DENND4C: variants seen among roughly 807,000 people sequenced by gnomAD.
DENND4C encodes the protein DENN domain-containing protein 4C.
In DENND4C, 108 loss-of-function variants were observed where a neutral mutation model predicts 203.0. The observed-to-expected ratio is 0.53, with a 90% CI of 0.46 to 0.62. The LOEUF (loss-of-function observed/expected upper bound fraction) is 0.62, where lower values mean the gene tolerates loss of function less well. DENND4C is among the 20% of genes least tolerant of loss of function. DENND4C has a pLI of 0.00. For missense variants in DENND4C, 2,481 were observed against 2,301.2 expected (o/e 1.08, Z -1.60); for synonymous variants, 871 against 792.4 (o/e 1.10, Z -1.67).
chr9:19,312,326 T>C (rs4977297), intron 10 of DENND4C, among the ~76,000 whole-genome samples: 87,154 of 151,914 alleles, frequency 0.57, 24,935 homozygotes, highest in South Asian at 0.63. Context: ...TGGTTTCAAA[T>C]TGCTGGCCTC....
At chr9:19,281,327 C>T (rs1169938674) in intron 2 of DENND4C, among the ~76,000 whole-genome samples, 1 of 152,136 alleles carries the variant, frequency 6.6e-6, no homozygotes, top group Non-Finnish European at 1.5e-5. Context: ...TAATATTTCT[C>T]TCCAGATCAA....
intron 6 of DENND4C, among the ~76,000 whole-genome samples, chr9:19,297,748 G>C (rs558826680): frequency 6.6e-6 from 1 of 152,142 alleles, no homozygotes; most frequent in South Asian, 2.1e-4. Context: ...TCCCTGTACT[G>C]GCACAGATAA....
intron 4 of DENND4C, among the ~76,000 whole-genome samples, chr9:19,289,637 T>C (rs1055461537): frequency 2.0e-5 from 3 of 152,102 alleles, no homozygotes; most frequent in Non-Finnish European, 4.4e-5. Flanking sequence ...GAGACCAGCC[T>C]GGCCAACATG....
In DENND4C at chr9:19,298,039, CA is replaced by C; in HGVS notation, c.1041-14del. On this transcript the variant is annotated splice_polypyrimidine_tract_variant and intron_variant, in intron 6 of 32. Coordinates refer to ENST00000434457, the MANE Select transcript of DENND4C (RefSeq NM_001330640.2). ...AGAAAAGTAATTATTATATTTATTT[CA>C]AATTTTTTTTTCTAGGCACATTTCA... 6.3e-7 allele frequency: 1 copy of C among 1,586,628 alleles called. No individual in the cohort carries two copies. Among genetic ancestry groups the C allele is most frequent in the Non-Finnish European group, 8.6e-7 (1 of 1,161,992 alleles).
In DENND4C at chr9:19,357,378, C is replaced by A. The variant is rs540511582; in HGVS notation, c.4964+224C>A. ...TTACAGTTGTCTTTTACAAAATGAA[C>A]TTCTCAACAGTAAAATATTTCCCTT... On this transcript the variant is annotated intron_variant, in intron 27 of 32. Transcript: ENST00000434457. 379 of 478,254 alleles carry A rather than the reference C, an allele frequency of 7.9e-4. 2 individuals are homozygous for A. The highest frequency in any genetic ancestry group is 7.0e-3 in the African/African-American group (332 of 47,296). 29.6% of individuals were successfully genotyped at this position (478,254 alleles called of 1,614,324 possible).
intron 1 of DENND4C, among the ~76,000 whole-genome samples, chr9:19,239,685 T>C (rs548968249): frequency 6.6e-6 from 1 of 152,256 alleles, no homozygotes; most frequent in African/African-American, 2.4e-5. Flanking sequence ...TGGGGTTTCA[T>C]CGTGTTGGCC....
At chr9:19,344,229 A>C (rs188196737) in intron 22 of DENND4C, among the ~76,000 whole-genome samples, 4 of 152,350 alleles carry the variant, frequency 2.6e-5, no homozygotes, top group African/African-American at 9.6e-5. Context: ...AGTAAAAAGC[A>C]ATGGATAAAA....
chr9:19,301,995 T>A (rs556363248), intron 9 of DENND4C, among the ~76,000 whole-genome samples: 1 of 152,270 alleles, frequency 6.6e-6, no homozygotes, highest in Middle Eastern at 3.4e-3. Flanking sequence ...TGAAGCCCCT[T>A]TGTCAGAATC....
At chr9:19,312,163 G>A (rs7047846) in intron 10 of DENND4C, among the ~76,000 whole-genome samples, 8,429 of 152,174 alleles carry the variant, frequency 0.055, 739 homozygotes, top group African/African-American at 0.19. Context: ...GAGTGTAGTG[G>A]CGCGATCTTG....
At chr9:19,233,076 T>C (rs1158314464) in intron 1 of DENND4C, among the ~76,000 whole-genome samples, 1 of 151,892 alleles carries the variant, frequency 6.6e-6, no homozygotes, top group Non-Finnish European at 1.5e-5. Context: ...TAGGTTTCAG[T>C]CATATGCTTG....
chr9:19,320,244 GGTGGAATGTA>G (rs1842656251), intron 12 of DENND4C, among the ~76,000 whole-genome samples: 1 of 151,650 alleles, frequency 6.6e-6, no homozygotes, highest in African/African-American at 2.4e-5. Flanking sequence ...GTGTTGCCCA[GGTGGAATGTA>G]GTGGTGCAGT....
intron 28 of DENND4C, among the ~76,000 whole-genome samples, chr9:19,359,536 T>C (rs201150708): frequency 1.3e-5 from 2 of 151,984 alleles, no homozygotes; most frequent in East Asian, 1.9e-4. Context: ...TGCTTTCTTA[T>C]ATGACAAGAT....
chr9:19,348,202 T>A (rs1479244174), intron 23 of DENND4C, among the ~76,000 whole-genome samples: 1 of 152,214 alleles, frequency 6.6e-6, no homozygotes, highest in Non-Finnish European at 1.5e-5. Context: ...ATCCTGATTT[T>A]GTAGATGATA....
intron 26 of DENND4C, among the ~76,000 whole-genome samples, chr9:19,354,489 G>A (rs1824903771): frequency 7.0e-6 from 1 of 142,316 alleles, no homozygotes; most frequent in Admixed American, 7.0e-5. Flanking sequence ...TTTTGGCATT[G>A]TTTGAATTTC....
At chr9:19,360,998 C>T (rs571757344) in intron 29 of DENND4C, among the ~76,000 whole-genome samples, 22 of 152,190 alleles carry the variant, frequency 1.4e-4, no homozygotes, top group African/African-American at 5.3e-4. Flanking sequence ...CTCAGCCTCC[C>T]GAGTAGCTGG....
intron 1 of DENND4C, among the ~76,000 whole-genome samples, chr9:19,256,441 C>G (rs537419878): frequency 6.6e-6 from 1 of 151,348 alleles, no homozygotes; most frequent in Admixed American, 6.6e-5. Context: ...CGCAGCCTCC[C>G]GAGTAGCTGG....
At chr9:19,303,744 A>C (rs1325922426) in intron 9 of DENND4C, among the ~76,000 whole-genome samples, 2 of 152,226 alleles carry the variant, frequency 1.3e-5, no homozygotes, top group Non-Finnish European at 2.9e-5. Flanking sequence ...GGGGTGAGTG[A>C]TGACAGATAA....
intron 1 of DENND4C, among the ~76,000 whole-genome samples, chr9:19,264,351 G>A (rs1323247428): frequency 6.6e-6 from 1 of 151,810 alleles, no homozygotes; most frequent in Non-Finnish European, 1.5e-5. Flanking sequence ...CCAGGCTAGA[G>A]TGCAGAATGC....
At chr9:19,261,992 C>T (rs932702284) in intron 1 of DENND4C, among the ~76,000 whole-genome samples, 5 of 147,894 alleles carry the variant, frequency 3.4e-5, no homozygotes, top group Admixed American at 6.8e-5. Flanking sequence ...TCAGATGGGT[C>T]ATTGTTGACA....
Sources: allele counts gnomAD v4.1 joint callset (sites outside exome capture counted in the v4.1 genomes callset), GRCh38; gene constraint gnomAD v4.1.1; transcripts MANE v1.5; gene names NCBI Gene and HGNC (gene_info 2026-07-23, HGNC 2026-07-21).